The following DISP1 variants were observed in gnomAD, a reference collection of about 807,000 sequenced individuals.
DISP1 encodes protein dispatched homolog 1.
DISP1 carries 30 observed loss-of-function variants against 37.3 expected under a neutral mutation model. That is an observed-to-expected ratio of 0.80 (90% CI 0.60 to 1.09). The LOEUF is 1.09. Among genes scored for constraint, DISP1 ranks in the 50% least tolerant of loss-of-function variants. The pLI, the probability that DISP1 is intolerant of heterozygous loss-of-function variation, is 0.00. For missense variants in DISP1, 1,598 were observed against 1,879.5 expected (o/e 0.85, Z 2.77); for synonymous variants, 634 against 690.2 (o/e 0.92, Z 1.28).
intron 1 of DISP1, among the ~76,000 whole-genome samples, chr1:222,836,756 T>TAC (rs1384366973): frequency 0.019 from 2,832 of 148,878 alleles, 90 homozygotes; most frequent in African/African-American, 0.065. Flanking sequence ...TATATATATA[T>TAC]ATATATACAC....
At chr1:222,980,985 G>A (rs1677793067) in intron 3 of DISP1, among the ~76,000 whole-genome samples, 1 of 152,232 alleles carries the variant, frequency 6.6e-6, no homozygotes, top group Non-Finnish European at 1.5e-5. Context: ...GGCTGAGGCA[G>A]GAGGATCGCT....
chr1:222,999,720 T>C (rs147209076), intron 8 of DISP1, among the ~76,000 whole-genome samples: 6 of 152,178 alleles, frequency 3.9e-5, no homozygotes, highest in African/African-American at 1.4e-4. Context: ...CCAGAACATA[T>C]GACCTTACTC....
chr1:222,880,492 T>A (rs1170805438), intron 1 of DISP1, among the ~76,000 whole-genome samples: 1 of 152,150 alleles, frequency 6.6e-6, no homozygotes, highest in African/African-American at 2.4e-5. Flanking sequence ...TGAGACCACC[T>A]CTCAAAAAAT....
At position 223,002,549 on chromosome 1, in the gene DISP1, T is replaced by C. The variant is rs781617125; in HGVS notation, c.1152T>C (p.Thr384=). The C allele has an allele frequency of 1.2e-5, 20 of 1,614,072 alleles. No individual in the cohort carries two copies. Among genetic ancestry groups the C allele is most frequent in the Non-Finnish European group, 1.7e-5 (20 of 1,180,028 alleles). The change falls in exon 9 of 9, where the codon ACT becomes ACC. Residue 384 remains threonine, a synonymous_variant. Transcript: ENST00000675850. ...DVSHTLKLLR[T]CAKHYQNGTL... ...CTCATACCTTGAAGCTGCTTCGGAC[T>C]TGTGCCAAACACTACCAAAATGGCA...
chr1:222,904,569 A>AT (rs555365219), intron 1 of DISP1, among the ~76,000 whole-genome samples: 1 of 144,584 alleles, frequency 6.9e-6, no homozygotes, highest in East Asian at 2.1e-4. Flanking sequence ...TTATTTTTTT[A>AT]TTTTATTTTT....
At chr1:222,983,474 AG>A (rs1677986997) in intron 4 of DISP1, among the ~76,000 whole-genome samples, 1 of 152,140 alleles carries the variant, frequency 6.6e-6, no homozygotes, top group South Asian at 2.1e-4. Flanking sequence ...AAAATTAGCC[AG>A]GCGTGGAGGC....
intron 3 of DISP1, among the ~76,000 whole-genome samples, chr1:222,955,875 T>C (rs1188851327): frequency 6.6e-6 from 1 of 152,224 alleles, no homozygotes; most frequent in Non-Finnish European, 1.5e-5. Flanking sequence ...AATGAAAGAC[T>C]CCAAGGCCAA....
At chr1:222,867,817 T>G (rs1171041411) in intron 1 of DISP1, among the ~76,000 whole-genome samples, 1 of 152,190 alleles carries the variant, frequency 6.6e-6, no homozygotes, top group Non-Finnish European at 1.5e-5. Context: ...TAGGCAATGA[T>G]CTATATTAAA....
chr1:222,955,223 A>G (rs1466757000), intron 3 of DISP1, among the ~76,000 whole-genome samples: 1 of 152,046 alleles, frequency 6.6e-6, no homozygotes, highest in African/African-American at 2.4e-5. Context: ...AGTAGCTGGA[A>G]CTACAGATGC....
intron 1 of DISP1, among the ~76,000 whole-genome samples, chr1:222,867,502 A>G (rs556767339): frequency 6.6e-6 from 1 of 152,276 alleles, no homozygotes; most frequent in East Asian, 1.9e-4. Context: ...CCCTTTGTGC[A>G]AGGTACACAA....
intron 5 of DISP1, among the ~76,000 whole-genome samples, 170 bp downstream of exon 5, chr1:222,990,918 A>G (rs1232008098): frequency 1.3e-5 from 2 of 152,236 alleles, no homozygotes; most frequent in African/African-American, 4.8e-5. Flanking sequence ...TCAGGTTCTT[A>G]AAAGGTCAAG....
At chr1:222,864,021 A>G (rs1307545922) in intron 1 of DISP1, among the ~76,000 whole-genome samples, 1 of 152,196 alleles carries the variant, frequency 6.6e-6, no homozygotes, top group Non-Finnish European at 1.5e-5. Context: ...CATTGCTACT[A>G]ATAGCATTGG....
At chr1:222,938,534 G>C (rs1674136133) in intron 2 of DISP1, among the ~76,000 whole-genome samples, 1 of 151,484 alleles carries the variant, frequency 6.6e-6, no homozygotes, top group Non-Finnish European at 1.5e-5. Flanking sequence ...TGGGATTTGA[G>C]ACCAGACTGG....
At chr1:222,827,699 G>C (rs1035366230) in intron 1 of DISP1, 18 of 152,022 alleles carry the variant, frequency 1.2e-4, no homozygotes, top group Admixed American at 1.2e-3. Flanking sequence ...CAACAACTGG[G>C]TTTTATTTTA....
chr1:222,921,918 A>T (rs371968133), intron 1 of DISP1, among the ~76,000 whole-genome samples: 12 of 152,366 alleles, frequency 7.9e-5, no homozygotes, highest in African/African-American at 2.9e-4. Context: ...TGTGCTAAGT[A>T]CCATGAGGGA....
intron 1 of DISP1, among the ~76,000 whole-genome samples, chr1:222,868,875 T>C (rs917586413): frequency 6.6e-6 from 1 of 152,170 alleles, no homozygotes; most frequent in African/African-American, 2.4e-5. Flanking sequence ...ATTTTAGAAA[T>C]CTTTTAAATG....
At chr1:222,835,020 A>T (rs1666702650) in intron 1 of DISP1, 1 of 152,168 alleles carries the variant, frequency 6.6e-6, no homozygotes, top group East Asian at 1.9e-4. Context: ...TTTGACAGTA[A>T]GTACTATTGA....
intron 1 of DISP1, among the ~76,000 whole-genome samples, chr1:222,888,620 G>A (rs552120275): frequency 2.0e-5 from 3 of 152,256 alleles, no homozygotes; most frequent in South Asian, 4.1e-4. Context: ...TTATCAGAAT[G>A]TATTCTGTTG....
chr1:222,871,112 A>G (rs928206091), intron 1 of DISP1, among the ~76,000 whole-genome samples: 1 of 151,456 alleles, frequency 6.6e-6, no homozygotes, highest in South Asian at 2.1e-4. Context: ...GATACGCGGC[A>G]TTATTTCTAA....
Sources: gnomAD v4.1 joint callset for allele counts (sites outside exome capture counted in the v4.1 genomes callset) on GRCh38, gnomAD v4.1.1 for gene constraint, MANE v1.5 for transcripts, NCBI Gene and HGNC (gene_info 2026-07-23, HGNC 2026-07-21) for gene names.